The following CPNE5 variants were observed in gnomAD, a reference collection of about 807,000 sequenced individuals.
CPNE5 encodes the protein copine-5.
In CPNE5, 42 loss-of-function variants were observed where a neutral mutation model predicts 81.1. That is an observed-to-expected ratio of 0.52 (90% CI 0.40 to 0.67). The LOEUF is 0.67. Among genes scored for constraint, CPNE5 ranks in the 30% least tolerant of loss-of-function variants. The probability of loss-of-function intolerance (pLI) is 0.00; values close to 1 mark genes in which losing one functional copy is unlikely to be tolerated. For missense variants in CPNE5, 612 were observed against 815.5 expected (o/e 0.75, Z 3.04); for synonymous variants, 313 against 321.5 (o/e 0.97, Z 0.28).
intron 3 of CPNE5, among the ~76,000 whole-genome samples, chr6:36,800,481 C>T (rs542507619): frequency 7.1e-4 from 108 of 152,332 alleles, no homozygotes; most frequent in African/African-American, 2.4e-3. Flanking sequence ...ACCGAACTTG[C>T]GCCCACTCCA....
At chr6:36,805,761 A>C (rs556595543) in intron 3 of CPNE5, among the ~76,000 whole-genome samples, 1 of 152,278 alleles carries the variant, frequency 6.6e-6, no homozygotes, top group Non-Finnish European at 1.5e-5. Context: ...CTGGCAACAA[A>C]ACTCAGTGGA....
chr6:36,814,949 T>C (rs1771409260), intron 3 of CPNE5, among the ~76,000 whole-genome samples: 1 of 152,044 alleles, frequency 6.6e-6, no homozygotes, highest in Non-Finnish European at 1.5e-5. Context: ...GGTGGATCAC[T>C]GGAGGTCAGG....
chr6:36,813,901 T>A (rs1771316932), intron 3 of CPNE5, among the ~76,000 whole-genome samples: 1 of 152,234 alleles, frequency 6.6e-6, no homozygotes, highest in South Asian at 2.1e-4. Flanking sequence ...CAATGGTAGA[T>A]TGCGGTTAAT....
Position 36,794,753 on chromosome 6 carries a change from C to A in CPNE5, c.405-104G>T. The A allele has an allele frequency of 9.8e-7, 1 of 1,015,866 alleles. No individual in the cohort carries two copies. The highest frequency in any genetic ancestry group is 1.4e-5 in the South Asian group (1 of 70,740). 62.9% of individuals were successfully genotyped at this position (1,015,866 alleles called of 1,614,324 possible). On this transcript the variant is annotated intron_variant, in intron 6 of 20. Transcript: ENST00000244751. ...AGATGCTTGGAGACAAGCGGCTGCT[C>A]TGGAAGTCATTAAAACAGGATCAAA...
chr6:36,818,556 T>C (rs573354185), intron 3 of CPNE5, among the ~76,000 whole-genome samples: 9 of 152,324 alleles, frequency 5.9e-5, no homozygotes, highest in Middle Eastern at 3.4e-3. Context: ...GCACTGACCA[T>C]GCACCAAGGC....
At chr6:36,783,781 T>C (rs1325062719) in intron 8 of CPNE5, among the ~76,000 whole-genome samples, 2 of 152,158 alleles carry the variant, frequency 1.3e-5, no homozygotes, top group African/African-American at 4.8e-5. Flanking sequence ...CCCAAAGTGT[T>C]GGAATTACAG....
chr6:36,743,516 A>G (rs1763762931), intron 20 of CPNE5, among the ~76,000 whole-genome samples, 173 bp downstream of exon 20: 1 of 152,220 alleles, frequency 6.6e-6, no homozygotes, highest in Non-Finnish European at 1.5e-5. Context: ...CCCAGACCAC[A>G]GCATGGCCGA....
chr6:36,760,236 C>G (rs182791305), intron 12 of CPNE5, among the ~76,000 whole-genome samples: 1 of 149,220 alleles, frequency 6.7e-6, no homozygotes, highest in Non-Finnish European at 1.5e-5. Flanking sequence ...AAAAAAAGCA[C>G]GCATACACAG....
rs77052086 is a variant in CPNE5 at position 36,810,952 on chromosome 6, A to G, written c.184-10882T>C. On this transcript the variant is annotated intron_variant, in intron 3 of 20. Transcript: ENST00000244751. ...CAAGCCTGGTCAGAGAAGCCTCCCT[A>G]TCTCGCCCAGAGACCAGGGTCAGGG... 5.0e-3 allele frequency among the ~76,000 whole-genome samples: 762 copies of G among 152,282 alleles called. 7 individuals carry two copies. The highest frequency in any genetic ancestry group is 0.016 in the African/African-American group (663 of 41,554).
chr6:36,822,151 A>G lies in CPNE5; in HGVS notation c.146T>C (p.Met49Thr), dbSNP rs1284196447. 1.3e-6 allele frequency: 2 copies of G among 1,533,174 alleles called. No individual in the cohort carries two copies. The highest frequency in any genetic ancestry group is 2.0e-5 in the Admixed American group (1 of 49,910). 95.0% of individuals were successfully genotyped at this position (1,533,174 alleles called of 1,614,324 possible). Reference sequence around the variant, plus strand: ...CTTGTTCTCCATCCCTTGGGTATACATGACGCACACTGCGGGGGGAGGAGA... The same window carrying G: ...CTTGTTCTCCATCCCTTGGGTATACGTGACGCACACTGCGGGGGGAGGAGA... ...MFSKSDPLCVMYTQGMENKQW... is the reference protein window; with the variant it reads ...MFSKSDPLCVTYTQGMENKQW... The change falls in exon 3 of 21, where the codon ATG becomes ACG. Residue 49 changes from methionine to threonine, a missense_variant. By Grantham distance (81) the Met-to-Thr change is moderately conservative. Coordinates refer to ENST00000244751, the MANE Select transcript of CPNE5 (RefSeq NM_020939.2).
Position 36,742,323 on chromosome 6 carries a change from G to A in CPNE5, c.1727C>T (p.Pro576Leu). Reference sequence around the variant, plus strand: ...GGGCGTGCGGGCTGGGGACTGCGAGGGCGAGTGGGTTGGTGCTGCGGGTGG... The same window carrying A: ...GGGCGTGCGGGCTGGGGACTGCGAGAGCGAGTGGGTTGGTGCTGCGGGTGG... ...RPPPAAPTHS[P>L]SQSPARTPPA... The change falls in exon 21 of 21, where the codon CCC (proline) becomes CTC (leucine). Residue 576 changes from proline (P) to leucine (L), a missense_variant. Transcript: ENST00000244751. 6.2e-7 allele frequency: 1 copy of A among 1,611,382 alleles called. No individual in the cohort carries two copies. The highest frequency in any genetic ancestry group is 8.5e-7 in the Non-Finnish European group (1 of 1,179,658).
At chr6:36,806,178 C>T (rs928686182) in intron 3 of CPNE5, among the ~76,000 whole-genome samples, 1 of 152,180 alleles carries the variant, frequency 6.6e-6, no homozygotes, top group Non-Finnish European at 1.5e-5. Context: ...TGGGCTGATA[C>T]GGAGGCTGGA....
At chr6:36,763,397 G>T in intron 11 of CPNE5, among the ~76,000 whole-genome samples, 1 of 152,194 alleles carries the variant, frequency 6.6e-6, no homozygotes, top group East Asian at 1.9e-4. Context: ...GAGGTCAGGA[G>T]TTCGAGACCA....
At chr6:36,792,260 G>A in intron 7 of CPNE5, 164 bp from the exon 8 acceptor site, 1 of 1,318,988 alleles carries the variant, frequency 7.6e-7, no homozygotes. Flanking sequence ...CCTTGTGGCA[G>A]TGTGGCCTAG....
intron 8 of CPNE5, among the ~76,000 whole-genome samples, chr6:36,780,266 C>G (rs188549272): frequency 1.7e-3 from 265 of 152,266 alleles, no homozygotes; most frequent in African/African-American, 6.2e-3. Context: ...CCTGGCCCCC[C>G]CTTCCTCTTA....
chr6:36,798,305 C>G, intron 5 of CPNE5, 64 bp from the exon 6 acceptor site: 1 of 1,540,230 alleles, frequency 6.5e-7, no homozygotes, highest in African/African-American at 1.4e-5. Context: ...TCCCACCTCC[C>G]CCATCGCCCA....
intron 10 of CPNE5, among the ~76,000 whole-genome samples, chr6:36,771,852 A>G (rs147771337): frequency 6.6e-6 from 1 of 152,104 alleles, no homozygotes; most frequent in Non-Finnish European, 1.5e-5. Flanking sequence ...GATAGGCCTG[A>G]TCGTTCTTGG....
At chr6:36,793,599 C>A (rs1016891486) in intron 7 of CPNE5, among the ~76,000 whole-genome samples, 1 of 152,068 alleles carries the variant, frequency 6.6e-6, no homozygotes, top group East Asian at 1.9e-4. Flanking sequence ...CCTTCTTGGC[C>A]TTCCTTTCTC....
At chr6:36,744,917 T>C (rs1763962763) in intron 18 of CPNE5, 131 bp downstream of exon 18, 1 of 675,738 alleles carries the variant, frequency 1.5e-6, no homozygotes. Context: ...GGCAGGGAAA[T>C]GAGAAGCCAC....
Sources: allele counts gnomAD v4.1 joint callset (sites outside exome capture counted in the v4.1 genomes callset), GRCh38; gene constraint gnomAD v4.1.1; transcripts MANE v1.5; gene names NCBI Gene and HGNC (gene_info 2026-07-23, HGNC 2026-07-21).